The following ERICH6B variants were observed in gnomAD, a reference collection of about 807,000 sequenced individuals.
ERICH6B encodes the protein glutamate-rich protein 6B.
In ERICH6B, 69 loss-of-function variants were observed where a neutral mutation model predicts 80.0. That is an observed-to-expected ratio of 0.86 (90% confidence interval 0.71 to 1.05). The LOEUF is 1.05. Ranked by LOEUF, ERICH6B falls within the 50% of genes least tolerant of loss-of-function variation. ERICH6B has a pLI of 0.00. For missense variants in ERICH6B, 754 were observed against 796.1 expected (o/e 0.95, Z 0.64); for synonymous variants, 283 against 291.9 (o/e 0.97, Z 0.31).
intron 11 of ERICH6B, chr13:45,551,583 C>G (rs2137963888): frequency 6.6e-6 from 1 of 152,278 alleles, no homozygotes; most frequent in South Asian, 2.1e-4. Flanking sequence ...TGAAAGCATT[C>G]AGGGTGATAT....
intron 3 of ERICH6B, among the ~76,000 whole-genome samples, chr13:45,594,618 C>T (rs1228919720): frequency 6.6e-6 from 1 of 152,096 alleles, no homozygotes; most frequent in African/African-American, 2.4e-5. Flanking sequence ...ACTAAATTTC[C>T]AGGAAGGGAG....
At chr13:45,542,078 C>A (rs1047201351) in intron 14 of ERICH6B, among the ~76,000 whole-genome samples, 13 of 152,160 alleles carry the variant, frequency 8.5e-5, no homozygotes, top group Non-Finnish European at 1.6e-4. Context: ...TGAGCCCCGC[C>A]TCCACCTTGG....
At chr13:45,605,923 A>G (rs563278149) in intron 2 of ERICH6B, among the ~76,000 whole-genome samples, 1 of 152,324 alleles carries the variant, frequency 6.6e-6, no homozygotes, top group East Asian at 1.9e-4. Context: ...CTATTAACCA[A>G]CTAAGAACCA....
intron 5 of ERICH6B, among the ~76,000 whole-genome samples, chr13:45,582,521 A>C (rs909211177): frequency 1.3e-5 from 2 of 152,156 alleles, no homozygotes; most frequent in African/African-American, 4.8e-5. Context: ...TGCCTGCCAA[A>C]ATCTTTTAGA....
chr13:45,574,764 G>C, intron 8 of ERICH6B, 78 bp downstream of exon 8: 1 of 1,135,256 alleles, frequency 8.8e-7, no homozygotes, highest in South Asian at 1.4e-5. Context: ...ACCTCAGCCA[G>C]CTTGCCTGGG....
rs545500348 is a variant in ERICH6B at position 45,615,182 on chromosome 13, C to A, written c.-111+503G>T. Among the ~76,000 whole-genome samples, 44 of 152,230 alleles carry A rather than the reference C, an allele frequency of 2.9e-4. No individual in the cohort carries two copies. The East Asian group carries it at 6.6e-3, about 23-fold the overall frequency. ...CCAGTTAGGACTGCTGTTTACCCCC[C>A]ACATTAGAGAGGTAGGGGAAGGAAA... On this transcript the variant is annotated intron_variant, in intron 1 of 14. Transcript: ENST00000298738.
At chr13:45,605,752 G>A (rs7988252) in intron 2 of ERICH6B, among the ~76,000 whole-genome samples, 3 of 152,176 alleles carry the variant, frequency 2.0e-5, no homozygotes, top group African/African-American at 7.2e-5. Context: ...ATAATTCTCC[G>A]TGATAAAGAA....
intron 2 of ERICH6B, among the ~76,000 whole-genome samples, chr13:45,602,870 G>C (rs1474341365): frequency 2.0e-5 from 3 of 152,110 alleles, no homozygotes; most frequent in Admixed American, 6.5e-5. Flanking sequence ...TACCATTCAG[G>C]GTTCTCCAGA....
intron 3 of ERICH6B, among the ~76,000 whole-genome samples, chr13:45,593,849 C>G (rs1389461161): frequency 6.6e-6 from 1 of 152,210 alleles, no homozygotes; most frequent in Non-Finnish European, 1.5e-5. Flanking sequence ...CCACTACTAA[C>G]CTCAAGTAGT....
In ERICH6B at chr13:45,574,870, T is replaced by G. The variant is rs1332915300; in HGVS notation, c.1022A>C (p.Lys341Thr). The G allele has an allele frequency of 6.4e-7, 1 of 1,551,488 alleles. No individual in the cohort carries two copies. The highest frequency in any genetic ancestry group is 1.4e-5 in the African/African-American group (1 of 73,104). Reference sequence around the variant, plus strand: ...TTCATCTAAATCTTCCACTTCCAGCTTGTCAATGGACTCATCTGTTATACC... The same window carrying G: ...TTCATCTAAATCTTCCACTTCCAGCGTGTCAATGGACTCATCTGTTATACC... ...WDGITDESID[K>T]LEVEDLDENF... The change falls in exon 8 of 15, where the codon AAG (lysine) becomes ACG (threonine). Residue 341 changes from lysine to threonine, a missense_variant. Lys to Thr is a moderately conservative substitution (Grantham distance 78). Transcript: ENST00000298738.
intron 11 of ERICH6B, among the ~76,000 whole-genome samples, chr13:45,559,361 G>A (rs1366351164): frequency 6.6e-6 from 1 of 151,712 alleles, no homozygotes; most frequent in Non-Finnish European, 1.5e-5. Flanking sequence ...CCAACTTTTT[G>A]TTTCATTTTT....
In ERICH6B at chr13:45,550,022, A is replaced by G. The variant is rs372031327; in HGVS notation, c.1517T>C (p.Met506Thr). ...TTTCATTTTCGCATATAAGATGAGCATAGCCAGGTTTCCTGATGGATAACT... is the reference window on the plus strand; with the variant it reads ...TTTCATTTTCGCATATAAGATGAGCGTAGCCAGGTTTCCTGATGGATAACT... ...QIHYPSGNLA[M>T]LILYAKMKKF... Residue 506 changes from methionine (M) to threonine (T), a missense_variant, in exon 13 of 15, where the codon ATG becomes ACG. Met to Thr is a moderately conservative substitution (Grantham distance 81). Transcript: ENST00000298738. 6.4e-7 allele frequency: 1 copy of G among 1,552,008 alleles called. No individual in the cohort carries two copies. Among genetic ancestry groups the G allele is most frequent in the Middle Eastern group, 1.7e-4 (1 of 5,994 alleles).
chr13:45,582,139 G>A (rs981918578), intron 5 of ERICH6B, among the ~76,000 whole-genome samples: 4 of 152,142 alleles, frequency 2.6e-5, no homozygotes, highest in Non-Finnish European at 4.4e-5. Flanking sequence ...TTTGTGTGAC[G>A]TAGTCTCCAG....
intron 13 of ERICH6B, among the ~76,000 whole-genome samples, chr13:45,548,804 C>T (rs926884269): frequency 7.2e-5 from 11 of 152,176 alleles, no homozygotes; most frequent in Non-Finnish European, 1.6e-4. Flanking sequence ...ATTTTCTATA[C>T]ACAAGGCATT....
intron 9 of ERICH6B, among the ~76,000 whole-genome samples, chr13:45,566,109 T>G (rs761120792): frequency 6.6e-6 from 1 of 152,150 alleles, no homozygotes; most frequent in Non-Finnish European, 1.5e-5. Context: ...CCCTAGAGAT[T>G]TGTGAAACTT....
At chr13:45,543,868 C>A (rs750143182) in intron 14 of ERICH6B, among the ~76,000 whole-genome samples, 3 of 152,084 alleles carry the variant, frequency 2.0e-5, no homozygotes, top group African/African-American at 7.2e-5. Flanking sequence ...CAACAGCAGG[C>A]CTGGGGACAC....
rs1566307721 is a variant in ERICH6B, at chr13:45,606,522, TATATATATATATATATATATATATA to T, written c.-59+1017_-59+1041del. Among the ~76,000 whole-genome samples the T allele has an allele frequency of 1.1e-3, 36 of 32,154 alleles. 1 individual carries two copies. The South Asian group carries it at 0.012, about 11-fold the overall frequency. The allele number at this position is 32,154 out of a possible 152,430, so 21.1% of individuals were successfully genotyped here. On this transcript the variant is annotated intron_variant, in intron 2 of 14. Coordinates refer to ENST00000298738, the MANE Select transcript of ERICH6B (RefSeq NM_182542.3). ...GTGTATGTGTATATATATATATATA[TATATATATATATATATATATATATA>T]TTTTTTTTTTTTTTTTTTTTTTTGG...
intron 6 of ERICH6B, 118 bp downstream of exon 6, chr13:45,580,485 C>A: frequency 1.9e-6 from 2 of 1,060,378 alleles, no homozygotes; most frequent in Non-Finnish European, 2.8e-6. Context: ...CTGCTCTGTT[C>A]TAAAATGGCC....
intron 7 of ERICH6B, among the ~76,000 whole-genome samples, chr13:45,576,515 G>A (rs886129662): frequency 5.3e-5 from 8 of 152,148 alleles, no homozygotes; most frequent in Non-Finnish European, 1.0e-4. Context: ...GCAAGCACTG[G>A]GGAAGCTCCT....
Sources: allele counts gnomAD v4.1 joint callset (sites outside exome capture counted in the v4.1 genomes callset), GRCh38; gene constraint gnomAD v4.1.1; transcripts MANE v1.5; gene names NCBI Gene and HGNC (gene_info 2026-07-23, HGNC 2026-07-21).